ADGRV1: variants seen among roughly 807,000 people sequenced by gnomAD.
ADGRV1 encodes adhesion G protein-coupled receptor V1.
A neutral mutation model predicts 596.2 loss-of-function variants in ADGRV1; 359 were observed. The observed-to-expected ratio is 0.60, with a 90% CI of 0.55 to 0.66. ADGRV1 has a LOEUF of 0.66. ADGRV1 is among the 30% of genes least tolerant of loss of function. The pLI is 0.00. For missense variants in ADGRV1, 7,274 were observed against 7,575.6 expected, an observed-to-expected ratio of 0.96 and a Z score of 1.48; for synonymous variants, 2,681 against 2,679.2, an observed-to-expected ratio of 1.00 and a Z score of -0.02.
At chr5:90,829,334 G>C in intron 77 of ADGRV1, 148 bp downstream of exon 77, 4 of 686,366 alleles carry the variant, frequency 5.8e-6, no homozygotes, top group Non-Finnish European at 8.9e-6. Context: ...CTTTATCCTT[G>C]AAACAGCTCA....
At chr5:91,046,887 T>C (rs1179715794) in intron 85 of ADGRV1, among the ~76,000 whole-genome samples, 1 of 152,124 alleles carries the variant, frequency 6.6e-6, no homozygotes, top group Non-Finnish European at 1.5e-5. Context: ...AAAGAAGATA[T>C]ACAAGTGGCC....
At chr5:90,823,369 A>G (rs1301192732) in intron 75 of ADGRV1, 56 bp from the exon 76 acceptor site, 3 of 1,539,918 alleles carry the variant, frequency 1.9e-6, no homozygotes, top group African/African-American at 1.4e-5. Context: ...AATAAACTCT[A>G]TTAGACATGG....
At chr5:90,863,949 C>A in intron 83 of ADGRV1, 92 bp downstream of exon 83, 1 of 812,060 alleles carries the variant, frequency 1.2e-6, no homozygotes, top group East Asian at 2.5e-5. Flanking sequence ...AAAGTTTAAT[C>A]TCAACTTAGT....
intron 87 of ADGRV1, among the ~76,000 whole-genome samples, chr5:91,135,249 T>C (rs1308600642): frequency 1.3e-5 from 2 of 152,142 alleles, no homozygotes; most frequent in African/African-American, 4.8e-5. Context: ...ATTAAAATTA[T>C]TTTAACCCAA....
At chr5:90,991,809 C>T (rs578161107) in intron 85 of ADGRV1, among the ~76,000 whole-genome samples, 23 of 152,174 alleles carry the variant, frequency 1.5e-4, no homozygotes, top group Middle Eastern at 6.8e-3. Context: ...AGTAATTGTA[C>T]TCTATGGGAA....
intron 86 of ADGRV1, among the ~76,000 whole-genome samples, chr5:91,078,686 A>G (rs776075926): frequency 5.3e-5 from 8 of 152,264 alleles, no homozygotes; most frequent in Non-Finnish European, 1.0e-4. Flanking sequence ...GTGCAAAGGC[A>G]GGCTCAGCCA....
At chr5:90,865,949 T>A (rs1015697524) in intron 83 of ADGRV1, among the ~76,000 whole-genome samples, 2 of 152,134 alleles carry the variant, frequency 1.3e-5, no homozygotes, top group African/African-American at 4.8e-5. Context: ...CAATGTTATA[T>A]TGTCATTTTT....
intron 86 of ADGRV1, among the ~76,000 whole-genome samples, chr5:91,095,097 A>G (rs1407469538): frequency 3.9e-5 from 6 of 152,212 alleles, no homozygotes; most frequent in Admixed American, 3.9e-4. Context: ...TGAAAAGACA[A>G]GGAAATTCTA....
intron 87 of ADGRV1, among the ~76,000 whole-genome samples, chr5:91,134,308 A>C (rs1038945973): frequency 2.0e-5 from 3 of 151,882 alleles, no homozygotes; most frequent in Admixed American, 6.6e-5. Flanking sequence ...TCACCTCAGC[A>C]TCCCAGGTAG....
chr5:90,776,415 C>T (rs1758236489), intron 60 of ADGRV1, 38 bp from the exon 61 acceptor site: 5 of 1,578,138 alleles, frequency 3.2e-6, no homozygotes, highest in Admixed American at 1.9e-5. Context: ...TGCTTATGTG[C>T]ACCTGCTACA....
chr5:91,097,020 T>C (rs1468330216), intron 86 of ADGRV1, among the ~76,000 whole-genome samples: 1 of 152,242 alleles, frequency 6.6e-6, no homozygotes, highest in African/African-American at 2.4e-5. Context: ...GGGTCATCCA[T>C]GGTGTAGCAT....
chr5:90,634,897 C>A (rs1172790222), intron 9 of ADGRV1, among the ~76,000 whole-genome samples: 4 of 151,844 alleles, frequency 2.6e-5, no homozygotes, highest in African/African-American at 7.3e-5. Flanking sequence ...TTTAGGCAGA[C>A]CCTTGGGGAA....
At chr5:90,935,187 A>G (rs894987712) in intron 83 of ADGRV1, among the ~76,000 whole-genome samples, 1 of 152,252 alleles carries the variant, frequency 6.6e-6, no homozygotes, top group African/African-American at 2.4e-5. Flanking sequence ...ATTCACCTAG[A>G]CAAGAAATCC....
At chr5:90,860,561 A>T (rs2150437296) in intron 82 of ADGRV1, among the ~76,000 whole-genome samples, 1 of 152,324 alleles carries the variant, frequency 6.6e-6, no homozygotes, top group East Asian at 1.9e-4. Flanking sequence ...TTGCAGAAAC[A>T]TGGGAATCAA....
intron 31 of ADGRV1, among the ~76,000 whole-genome samples, chr5:90,691,384 C>CTTT (rs34426784): frequency 9.7e-5 from 12 of 123,446 alleles, no homozygotes; most frequent in East Asian, 2.4e-4. Flanking sequence ...AAACTTTTTT[C>CTTT]TTTTTTTTTT....
chr5:90,681,152 T>C (rs1475223471), intron 26 of ADGRV1, among the ~76,000 whole-genome samples, 163 bp from the exon 27 acceptor site: 1 of 152,242 alleles, frequency 6.6e-6, no homozygotes, highest in African/African-American at 2.4e-5. Context: ...AGCATGAATA[T>C]GTGTGGCACC....
chr5:90,665,518 G>T lies in ADGRV1; in HGVS notation c.4753-7028G>T, dbSNP rs185734195. On this transcript the variant is annotated intron_variant, in intron 21 of 89. Coordinates refer to ENST00000405460, the MANE Select transcript of ADGRV1 (RefSeq NM_032119.4). ...TTCTTCTCTCTTTTTTTCTTTATTA[G>T]TCTTGCTAGCGGTCTATTTATTTTG... Among the ~76,000 whole-genome samples the T allele has an allele frequency of 4.0e-3, 601 of 151,266 alleles. 5 individuals are homozygous for T. Among genetic ancestry groups the T allele is most frequent in the African/African-American group, 0.013 (544 of 41,166 alleles).
At chr5:90,725,693 C>A in intron 48 of ADGRV1, 37 bp downstream of exon 48, 4 of 1,071,668 alleles carry the variant, frequency 3.7e-6, no homozygotes, top group Non-Finnish European at 5.6e-6. Context: ...TTTTTTTTTG[C>A]TTTTCTTTTT....
intron 85 of ADGRV1, among the ~76,000 whole-genome samples, chr5:90,986,860 C>T (rs554278854): frequency 4.1e-4 from 62 of 152,228 alleles, no homozygotes; most frequent in African/African-American, 1.4e-3. Flanking sequence ...AAAGTAACCA[C>T]GAAGCAAGCC....
Sources: allele counts gnomAD v4.1 joint callset (sites outside exome capture counted in the v4.1 genomes callset), GRCh38; gene constraint gnomAD v4.1.1; transcripts MANE v1.5; gene names NCBI Gene and HGNC (gene_info 2026-07-23, HGNC 2026-07-21).